The following C16orf96 variants were observed in gnomAD, a reference collection of about 807,000 sequenced individuals.
The protein encoded by C16orf96 is uncharacterized protein C16orf96.
Under a neutral mutation model 103.6 loss-of-function variants are expected in C16orf96, and 108 were observed. The ratio of observed to expected loss-of-function variants is 1.04; its 90% CI spans 0.89 to 1.22. The LOEUF (loss-of-function observed/expected upper bound fraction) is 1.22, where lower values mean the gene tolerates loss of function less well. Among genes scored for constraint, C16orf96 ranks in the 50% most tolerant of loss-of-function variants. The pLI is 0.00. For synonymous variants in C16orf96, 566 were observed against 593.5 expected, an observed-to-expected ratio of 0.95 and a Z score of 0.67; for missense variants, 1,586 against 1,464.2, an observed-to-expected ratio of 1.08 and a Z score of -1.36.
chr16:4,593,426 T>G lies in C16orf96; in HGVS notation c.2867+110T>G. The G allele has an allele frequency of 9.0e-7, 1 of 1,106,118 alleles. No homozygotes were observed. Among genetic ancestry groups the G allele is most frequent in the Non-Finnish European group, 1.3e-6 (1 of 765,450 alleles). 68.5% of individuals were successfully genotyped at this position (1,106,118 alleles called of 1,614,324 possible). Reference sequence around the variant, plus strand: ...ATCCTCCAGGCCCAGGGACCTAAGATTGTCCTGGACATGGCCAGCCCTTCG... The same window carrying G: ...ATCCTCCAGGCCCAGGGACCTAAGAGTGTCCTGGACATGGCCAGCCCTTCG... On this transcript the variant is annotated intron_variant, in intron 12 of 15. Transcript: ENST00000444310. The surrounding 1 kb of genome is among the most constrained non-coding windows in gnomAD (Gnocchi z 4.2).
intron 2 of C16orf96, among the ~76,000 whole-genome samples, chr16:4,572,014 T>C (rs2059444487): frequency 6.6e-6 from 1 of 151,688 alleles, no homozygotes; most frequent in African/African-American, 2.4e-5. Context: ...CACATCTGGG[T>C]AATTTTTGTA....
At chr16:4,558,913 C>CAA (rs771691344) in intron 1 of C16orf96, among the ~76,000 whole-genome samples, 193 of 51,382 alleles carry the variant, frequency 3.8e-3, no homozygotes, top group African/African-American at 9.2e-3. Flanking sequence ...GACTCTGTCT[C>CAA]AAAAAAAAAA....
chr16:4,592,180 T>C, intron 10 of C16orf96, 125 bp from the exon 11 acceptor site: 1 of 1,151,998 alleles, frequency 8.7e-7, no homozygotes, highest in Non-Finnish European at 1.3e-6. Context: ...CTGCAGGGCC[T>C]GTGGGGCTGA....
In C16orf96 at chr16:4,556,517, C is replaced by T; in HGVS notation, c.28C>T (p.Leu10=). Residue 10 remains leucine (L), a synonymous_variant, in exon 1 of 16, where the codon CTG becomes TTG. Coordinates refer to ENST00000444310, the MANE Select transcript of C16orf96 (RefSeq NM_001145011.2). MSFSLTFTE[L]ANIAIPQCGV... The stretch of plus-strand genomic sequence containing the variant: ...GAGCTTCTCACTCACGTTCACCGAG[C>T]TGGCCAACATCGCCATCCCACAGTG... The T allele has an allele frequency of 6.5e-7, 1 of 1,537,390 alleles. No homozygotes were observed.
chr16:4,583,673 A>C (rs1896844891), intron 7 of C16orf96, among the ~76,000 whole-genome samples: 1 of 152,174 alleles, frequency 6.6e-6, no homozygotes, highest in Non-Finnish European at 1.5e-5. Flanking sequence ...TTGTAATTCC[A>C]GCACTTTGGG....
chr16:4,571,756 T>C (rs760797810), intron 2 of C16orf96, 91 bp downstream of exon 2: 33 of 1,190,036 alleles, frequency 2.8e-5, no homozygotes, highest in Non-Finnish European at 3.8e-5. Context: ...AGCTTACTGT[T>C]AGGCCAAGAG....
chr16:4,562,501 A>G (rs1306046772), intron 1 of C16orf96, among the ~76,000 whole-genome samples: 1 of 150,250 alleles, frequency 6.7e-6, no homozygotes, highest in Non-Finnish European at 1.5e-5. Flanking sequence ...AGAAGAGTGC[A>G]AGTTCTTTTA....
At chr16:4,540,485 C>T in the C16orf96 span, among the ~76,000 whole-genome samples, 29 of 152,166 alleles carry the variant, frequency 1.9e-4, no homozygotes, top group African/African-American at 7.0e-4. Context: ...GTAACCCCAG[C>T]ACTTTGGGAG....
At chr16:4,590,245 A>C (rs932581156) in intron 9 of C16orf96, among the ~76,000 whole-genome samples, 1 of 151,716 alleles carries the variant, frequency 6.6e-6, no homozygotes, top group African/African-American at 2.4e-5. Context: ...CAACATAGAG[A>C]GACTCCATCT....
intron 9 of C16orf96, among the ~76,000 whole-genome samples, chr16:4,590,959 G>A (rs1394029940): frequency 6.6e-6 from 1 of 152,126 alleles, no homozygotes; most frequent in Non-Finnish European, 1.5e-5. Context: ...TTGAACCTGG[G>A]AGGCGGAGGT....
At position 4,576,179 on chromosome 16, in the gene C16orf96, ACCGCTGCCATCGCCG is replaced by A. The variant is rs1471510971; in HGVS notation, c.1708_1722del (p.Ile570_Ala574del). 1 of 1,550,478 alleles carries A rather than the reference ACCGCTGCCATCGCCG, an allele frequency of 6.4e-7. No homozygotes were observed. The highest frequency in any genetic ancestry group is 1.4e-5 in the African/African-American group (1 of 73,182). On this transcript the variant is annotated inframe_deletion, in exon 5 of 16. Coordinates refer to ENST00000444310, the MANE Select transcript of C16orf96 (RefSeq NM_001145011.2). Reference sequence around the variant, plus strand: ...GTCTGCCCTTCACCGGCTGAAAACCACCGCTGCCATCGCCGCCGCTGCCGCCGCAGCCTACGCCGC... The same window carrying A: ...GTCTGCCCTTCACCGGCTGAAAACCACCGCTGCCGCCGCAGCCTACGCCGC...
At position 4,571,549 on chromosome 16, in the gene C16orf96, C is replaced by T. The variant is rs1482454127; in HGVS notation, c.421-12C>T. ...CATACCCGGCTTCACATTTTCTCCT[C>T]CTCTTTTGCAGTCAATGCAGACCCT... On this transcript the variant is annotated splice_polypyrimidine_tract_variant and intron_variant, in intron 1 of 15. Transcript: ENST00000444310. The T allele has an allele frequency of 7.7e-6, 12 of 1,550,404 alleles. No individual in the cohort carries two copies. The East Asian group carries it at 1.2e-4, about 16-fold the overall frequency.
the C16orf96 span, among the ~76,000 whole-genome samples, chr16:4,543,191 G>C: frequency 6.6e-6 from 1 of 152,202 alleles, no homozygotes; most frequent in African/African-American, 2.4e-5. Context: ...GTTGGGGCTT[G>C]AAGGATGTGT....
intron 1 of C16orf96, 137 bp downstream of exon 1, chr16:4,557,046 T>G (rs2059273143): frequency 1.0e-6 from 1 of 992,764 alleles, no homozygotes; most frequent in East Asian, 2.7e-5. Flanking sequence ...CTTGGCTCAC[T>G]GCAACCTCCG....
At position 4,558,213 on chromosome 16, in the gene C16orf96, G is replaced by A. The variant is rs554169415; in HGVS notation, c.420+1304G>A. ...AGCAGCTGGTGGGCAAGGGAGCTGC[G>A]CGCTGAGGCGTGGCCTCTGACCCTG... On this transcript the variant is annotated intron_variant, in intron 1 of 15. Coordinates refer to ENST00000444310, the MANE Select transcript of C16orf96 (RefSeq NM_001145011.2). Among the ~76,000 whole-genome samples the A allele has an allele frequency of 3.3e-5, 5 of 152,348 alleles. No homozygotes were observed. The South Asian group carries it at 8.3e-4, about 25-fold the overall frequency.
At chr16:4,566,047 T>C (rs1291156620) in intron 1 of C16orf96, among the ~76,000 whole-genome samples, 1 of 152,138 alleles carries the variant, frequency 6.6e-6, no homozygotes, top group African/African-American at 2.4e-5. Flanking sequence ...CTTGCTGTGT[T>C]AACAGCCCAC....
intron 3 of C16orf96, 27 bp from the exon 4 acceptor site, chr16:4,574,945 C>G: frequency 6.5e-7 from 1 of 1,547,432 alleles, no homozygotes; most frequent in Non-Finnish European, 8.7e-7. Flanking sequence ...AGGCTCACAG[C>G]CCTCATTTTC....
the C16orf96 span, among the ~76,000 whole-genome samples, chr16:4,546,770 G>A: frequency 5.0e-4 from 76 of 151,868 alleles, no homozygotes; most frequent in African/African-American, 1.8e-3. Flanking sequence ...ACACCCAACA[G>A]CTCTGGTTTT....
chr16:4,587,529 CAAAAAAA>C (rs59504956), intron 8 of C16orf96, among the ~76,000 whole-genome samples: 8 of 118,654 alleles, frequency 6.7e-5, no homozygotes, highest in East Asian at 2.4e-4. Flanking sequence ...AACTCTGTCT[CAAAAAAA>C]AAAAAAAAAA....
Sources: gnomAD v4.1 joint callset for allele counts (sites outside exome capture counted in the v4.1 genomes callset) on GRCh38, gnomAD v4.1.1 for gene constraint, Gnocchi (gnomAD v3.1) non-coding constraint, MANE v1.5 for transcripts, NCBI Gene and HGNC (gene_info 2026-07-23, HGNC 2026-07-21) for gene names.